The following CHLSN variants were observed in gnomAD, a reference collection of about 807,000 sequenced individuals.
CHLSN encodes the protein cholesin.
the CHLSN span, among the ~76,000 whole-genome samples, chr7:1,070,724 A>G: frequency 1.3e-5 from 2 of 149,928 alleles, no homozygotes; most frequent in Admixed American, 6.6e-5. Context: ...GCACACGCGC[A>G]CACATGCACG....
the CHLSN span, among the ~76,000 whole-genome samples, chr7:1,005,012 C>T: frequency 5.3e-5 from 8 of 152,132 alleles, no homozygotes; most frequent in South Asian, 2.1e-4. Context: ...AAAGCAGGGG[C>T]GGCTGGGAAC....
At chr7:987,054 G>T in the CHLSN span, 1 of 1,444,228 alleles carries the variant, frequency 6.9e-7, no homozygotes, top group South Asian at 1.5e-5. Flanking sequence ...GGGTCTGTGG[G>T]GTGGGGGACA....
the CHLSN span, chr7:1,138,115 GAGCCCGC>G: frequency 6.6e-6 from 1 of 150,906 alleles, no homozygotes; most frequent in African/African-American, 2.4e-5. Flanking sequence ...AGCCCCGCGG[GAGCCCGC>G]CCCGGGGCTC....
the CHLSN span, among the ~76,000 whole-genome samples, chr7:1,042,029 C>T: frequency 2.0e-5 from 3 of 151,924 alleles, no homozygotes; most frequent in South Asian, 2.1e-4. Flanking sequence ...CTCGGCAGTG[C>T]GCGGGGCTGC....
chr7:1,028,582 C>A, the CHLSN span: 43 of 984,984 alleles, frequency 4.4e-5, no homozygotes, highest in Non-Finnish European at 5.1e-5. Context: ...CCTGCGCGAA[C>A]TGCGGGGAGG....
At chr7:1,105,219 G>T in the CHLSN span, among the ~76,000 whole-genome samples, 1 of 152,176 alleles carries the variant, frequency 6.6e-6, no homozygotes, top group Non-Finnish European at 1.5e-5. Flanking sequence ...AATACCAAAC[G>T]TATACTGTGA....
At chr7:1,059,779 A>AGGCAGGTCTTAGTGGGGCGGGTCTTAG in the CHLSN span, among the ~76,000 whole-genome samples, 1 of 17,012 alleles carries the variant, frequency 5.9e-5, no homozygotes, top group African/African-American at 2.6e-4. Context: ...CGGGTCCGTA[A>AGGCAGGTCTTAGTGGGGCGGGTCTTAG]TGAGGCGGGT....
chr7:1,123,249 A>G, the CHLSN span, among the ~76,000 whole-genome samples: 5 of 152,218 alleles, frequency 3.3e-5, no homozygotes, highest in African/African-American at 1.2e-4. The surrounding 1 kb of genome is among the most constrained non-coding windows in gnomAD (Gnocchi z 4.4). Context: ...ACACTCCCCA[A>G]GGGGCGATGA....
At chr7:1,092,098 TACG>T in the CHLSN span, 2 of 1,613,856 alleles carry the variant, frequency 1.2e-6, no homozygotes, top group Non-Finnish European at 1.7e-6. Context: ...CGAGCGGTAC[TACG>T]ACATCGCCGT....
chr7:1,097,253 G>A, the CHLSN span, among the ~76,000 whole-genome samples: 5 of 152,170 alleles, frequency 3.3e-5, no homozygotes, highest in African/African-American at 7.2e-5. The surrounding 1 kb of genome is among the most constrained non-coding windows in gnomAD (Gnocchi z 4.3). Flanking sequence ...AGGACTCCGG[G>A]AGAAATGGCT....
the CHLSN span, among the ~76,000 whole-genome samples, chr7:1,097,061 A>G: frequency 6.6e-6 from 1 of 152,244 alleles, no homozygotes; most frequent in South Asian, 2.1e-4. The surrounding 1 kb of genome is among the most constrained non-coding windows in gnomAD (Gnocchi z 4.3). Context: ...AGGGGAGCCC[A>G]TGGGAACGGG....
the CHLSN span, among the ~76,000 whole-genome samples, chr7:1,012,728 G>A: frequency 6.6e-6 from 1 of 152,252 alleles, no homozygotes; most frequent in African/African-American, 2.4e-5. Flanking sequence ...AGAAGACGCA[G>A]GGGCAGCTGG....
chr7:994,554 C>G, the CHLSN span, among the ~76,000 whole-genome samples: 1 of 152,154 alleles, frequency 6.6e-6, no homozygotes. Context: ...AGCCATCCTC[C>G]CACCTCAGCC....
chr7:1,090,558 G>A, the CHLSN span, among the ~76,000 whole-genome samples: 1 of 151,300 alleles, frequency 6.6e-6, no homozygotes, highest in African/African-American at 2.4e-5. Flanking sequence ...TGGCGGCAGA[G>A]CCGGGGTGAC....
chr7:989,092 C>G, the CHLSN span: 1 of 442,640 alleles, frequency 2.3e-6, no homozygotes, highest in Non-Finnish European at 4.0e-6. Context: ...CGCCCACTCT[C>G]CCACCCCTGA....
At chr7:983,283 C>G in the CHLSN span, 1 of 1,544,164 alleles carries the variant, frequency 6.5e-7, no homozygotes, top group Non-Finnish European at 8.7e-7. Flanking sequence ...GCGCCCAAGA[C>G]CCCTCCCCAG....
the CHLSN span, among the ~76,000 whole-genome samples, chr7:1,014,021 G>A: frequency 2.6e-5 from 4 of 152,140 alleles, no homozygotes; most frequent in East Asian, 5.8e-4. Context: ...GGCGGCCAGC[G>A]GGCCTGTCAC....
chr7:1,049,439 C>G, the CHLSN span, among the ~76,000 whole-genome samples: 44 of 152,326 alleles, frequency 2.9e-4, no homozygotes, highest in African/African-American at 1.0e-3. Flanking sequence ...AGGCACACAG[C>G]AAGGATGTCA....
chr7:1,010,814 G>T, the CHLSN span, among the ~76,000 whole-genome samples: 1 of 152,192 alleles, frequency 6.6e-6, no homozygotes, highest in African/African-American at 2.4e-5. Context: ...GGGCCACGGG[G>T]TGACCATGAG....
Sources: allele counts gnomAD v4.1 joint callset (sites outside exome capture counted in the v4.1 genomes callset), GRCh38; gene constraint gnomAD v4.1.1; non-coding constraint Gnocchi (gnomAD v3.1); transcripts MANE v1.5; gene names NCBI Gene and HGNC (gene_info 2026-07-23, HGNC 2026-07-21).